The following ALDH3B2 variants were observed in gnomAD, a reference collection of about 807,000 sequenced individuals.
ALDH3B2 encodes the protein aldehyde dehydrogenase 3 family member B2.
Under a neutral mutation model 36.7 loss-of-function variants are expected in ALDH3B2, and 45 were observed. The ratio of observed to expected loss-of-function variants is 1.23; its 90% CI spans 0.97 to 1.57. ALDH3B2 has a LOEUF of 1.57. ALDH3B2 is among the 40% of genes most tolerant of loss of function. The pLI is 0.00. For missense variants in ALDH3B2, 464 were observed against 513.3 expected, an observed-to-expected ratio of 0.90 and a Z score of 0.93; for synonymous variants, 217 against 226.5, an observed-to-expected ratio of 0.96 and a Z score of 0.38.
intron 6 of ALDH3B2, 34 bp from the exon 7 acceptor site, chr11:67,665,705 G>A (rs1347999696): frequency 6.3e-7 from 1 of 1,578,374 alleles, no homozygotes; most frequent in Non-Finnish European, 8.6e-7. Flanking sequence ...TGGCCAGTCA[G>A]TGACCTGGAC....
At chr11:67,672,933 C>CTTTTTT (rs532673446) in intron 1 of ALDH3B2, among the ~76,000 whole-genome samples, 3 of 118,340 alleles carry the variant, frequency 2.5e-5, no homozygotes, top group South Asian at 2.5e-4. Context: ...CTTTTCTTTT[C>CTTTTTT]TTTTTTTTTT....
chr11:67,674,938 G>T (rs138366619), upstream of ALDH3B2, among the ~76,000 whole-genome samples: 3 of 152,020 alleles, frequency 2.0e-5, no homozygotes, highest in Non-Finnish European at 2.9e-5. Context: ...TGCTGCCTTC[G>T]CCAGGAAGTC....
intron 1 of ALDH3B2, chr11:67,673,857 G>A (rs1315660673): frequency 6.6e-6 from 1 of 152,192 alleles, no homozygotes; most frequent in African/African-American, 2.4e-5. Flanking sequence ...GACACCATGT[G>A]CCAATGTGTG....
upstream of ALDH3B2, among the ~76,000 whole-genome samples, chr11:67,676,332 A>G (rs1352121673): frequency 6.6e-6 from 1 of 152,188 alleles, no homozygotes; most frequent in Non-Finnish European, 1.5e-5. Flanking sequence ...ATAACTGGAA[A>G]TTAAATAACC....
intron 7 of ALDH3B2, among the ~76,000 whole-genome samples, chr11:67,664,872 G>T (rs1196168737): frequency 1.3e-5 from 2 of 152,234 alleles, no homozygotes; most frequent in Non-Finnish European, 2.9e-5. Context: ...GTCCCAGAAT[G>T]TTGGAGCTGC....
In ALDH3B2 at chr11:67,664,398, G is replaced by C. The variant is rs200177644; in HGVS notation, c.871C>G (p.Gln291Glu). The change falls in exon 8 of 10, where the codon CAG becomes GAG. Residue 291 changes from glutamine to glutamate, a missense_variant and splice_region_variant. Coordinates refer to ENST00000349015, the Ensembl canonical transcript of ALDH3B2. The stretch of plus-strand genomic sequence containing the variant: ...CCCCAACCCGGCCGCACCCCCACCT[G>C]GCTGCTGTTGGAGAAGGCGTACAGG... The C allele has an allele frequency of 1.1e-5, 17 of 1,614,064 alleles. No individual in the cohort carries two copies. The African/African-American group carries it at 2.1e-4, about 20-fold the overall frequency.
At chr11:67,663,930 G>A (rs1048385110) in intron 8 of ALDH3B2, among the ~76,000 whole-genome samples, 169 bp from the exon 9 acceptor site, 3 of 152,116 alleles carry the variant, frequency 2.0e-5, no homozygotes, top group Non-Finnish European at 4.4e-5. Context: ...TCTCAGTGAC[G>A]GTCGGGGTGC....
chr11:67,665,414 C>T (rs565722840), exon 7 of ALDH3B2: 52 of 1,614,032 alleles, frequency 3.2e-5, no homozygotes, highest in Middle Eastern at 1.7e-4. Context: ...TGGGGGTCGT[C>T]GCCATAGAAA....
chr11:67,679,310 A>C (rs1856326168), upstream of ALDH3B2, among the ~76,000 whole-genome samples: 1 of 152,114 alleles, frequency 6.6e-6, no homozygotes, highest in African/African-American at 2.4e-5. Context: ...TCTACTAAAA[A>C]TACAAAAAAA....
intron 5 of ALDH3B2, 32 bp from the exon 6 acceptor site, chr11:67,666,235 C>A: frequency 6.7e-7 from 1 of 1,494,880 alleles, no homozygotes; most frequent in Non-Finnish European, 8.9e-7. Flanking sequence ...TCGGGGCGGG[C>A]TCGGGGCCAG....
At chr11:67,665,209 T>C in intron 7 of ALDH3B2, 76 bp downstream of exon 7, 1 of 1,525,752 alleles carries the variant, frequency 6.6e-7, no homozygotes, top group Non-Finnish European at 8.8e-7. Context: ...GAGTCCAGAC[T>C]CGTGGCCCAG....
chr11:67,669,789 T>C (rs1375637903), intron 1 of ALDH3B2, among the ~76,000 whole-genome samples: 1 of 125,942 alleles, frequency 7.9e-6, no homozygotes, highest in Non-Finnish European at 1.7e-5. Context: ...TCTGTGTGTG[T>C]ATGGGTGTGT....
intron 3 of ALDH3B2, 67 bp downstream of exon 3, chr11:67,666,839 A>G: frequency 6.2e-7 from 1 of 1,612,498 alleles, no homozygotes; most frequent in Non-Finnish European, 8.5e-7. Flanking sequence ...CAGGGGCAGA[A>G]GGGGGCCTGG....
intron 6 of ALDH3B2, 122 bp downstream of exon 6, chr11:67,666,000 G>GCCAGCT: frequency 7.7e-7 from 1 of 1,296,770 alleles, no homozygotes; most frequent in South Asian, 1.3e-5. Flanking sequence ...CGGACTCTGT[G>GCCAGCT]CCAGCTCCAG....
chr11:67,667,163 C>A (rs142460691), intron 2 of ALDH3B2, 147 bp from the exon 3 acceptor site: 1 of 601,634 alleles, frequency 1.7e-6, no homozygotes, highest in Non-Finnish European at 3.0e-6. Context: ...CTGGGAACTG[C>A]GCATGGCTGC....
chr11:67,677,056 C>T (rs986678283), upstream of ALDH3B2, among the ~76,000 whole-genome samples: 1 of 152,136 alleles, frequency 6.6e-6, no homozygotes, highest in Non-Finnish European at 1.5e-5. Context: ...CCTTTTGACA[C>T]TATTCCACAA....
exon 10 of ALDH3B2, chr11:67,662,793 A>G (rs1551885): frequency 0.96 from 181,600 of 189,992 alleles, 87,365 homozygotes; most frequent in East Asian, 1. Context: ...TGGGGCAGAG[A>G]TGGAAGTGCG....
At chr11:67,675,252 A>G (rs1856242048), upstream of ALDH3B2, among the ~76,000 whole-genome samples, 1 of 152,154 alleles carries the variant, frequency 6.6e-6, no homozygotes, top group Admixed American at 6.5e-5. Context: ...AACGTCTCTG[A>G]GCCTTTCGGA....
At position 67,664,004 on chromosome 11, in the gene ALDH3B2, C is replaced by T. The variant is rs116105566; in HGVS notation, c.874-243G>A. Among the ~76,000 whole-genome samples, 903 of 152,288 alleles carry T rather than the reference C, an allele frequency of 5.9e-3. 8 individuals carry two copies. Among genetic ancestry groups the T allele is most frequent in the South Asian group, 0.019 (91 of 4,826 alleles). On this transcript the variant is annotated intron_variant, in intron 8 of 9. Coordinates refer to ENST00000349015, the Ensembl canonical transcript of ALDH3B2. ...GCCCTGCAGGATCATGGGGAGCCGGCAGCCTTGAGTCGCGACGGTGAGGTT... is the reference window on the plus strand; with the variant it reads ...GCCCTGCAGGATCATGGGGAGCCGGTAGCCTTGAGTCGCGACGGTGAGGTT...
Sources: allele counts gnomAD v4.1 joint callset (sites outside exome capture counted in the v4.1 genomes callset), GRCh38; gene constraint gnomAD v4.1.1; transcripts MANE v1.5; gene names NCBI Gene and HGNC (gene_info 2026-07-23, HGNC 2026-07-21).